SRCAP: variants seen among roughly 807,000 people sequenced by gnomAD.
SRCAP encodes the protein chromatin remodeling protein SRCAP.
SRCAP carries 46 observed loss-of-function variants against 263.1 expected under a neutral mutation model. That is an observed-to-expected ratio of 0.17 (90% CI 0.14 to 0.22). SRCAP has a LOEUF of 0.22. Ranked by LOEUF, SRCAP falls within the 10% of genes least tolerant of loss-of-function variation. The probability of loss-of-function intolerance (pLI) is 1.00; values close to 1 mark genes in which losing one functional copy is unlikely to be tolerated. For missense variants in SRCAP, 3,695 were observed against 4,181.9 expected (o/e 0.88, Z 3.21); for synonymous variants, 1,813 against 1,662.1 (o/e 1.09, Z -2.21).
Position 30,739,053 on chromosome 16 carries a change from C to T in SRCAP, c.9013C>T (p.Arg3005Trp). ...TVTISTSPPK[R>W]KRGRPPKNPP... ...CACCATTTCAACGTCCCCACCCAAACGGAAGAGGGGCCGACCTCCCAAGAA... is the reference window on the plus strand; with the variant it reads ...CACCATTTCAACGTCCCCACCCAAATGGAAGAGGGGCCGACCTCCCAAGAA... Residue 3005 changes from arginine (R) to tryptophan (W), a missense_variant, in exon 34 of 34, where the codon CGG becomes TGG. This residue lies in a region of SRCAP where 1,207 missense variants were observed against 1,142.9 expected (regional missense o/e 1.06). Transcript: ENST00000262518. 1.9e-6 allele frequency: 3 copies of T among 1,614,214 alleles called. No individual in the cohort carries two copies. The highest frequency in any genetic ancestry group is 1.7e-5 in the Admixed American group (1 of 60,026).
rs1596664196 is a variant in SRCAP, at chr16:30,733,727, T to C, written c.6423T>C (p.Asn2141=). The C allele has an allele frequency of 1.2e-6, 2 of 1,614,152 alleles. No homozygotes were observed. Among genetic ancestry groups the C allele is most frequent in the Non-Finnish European group, 1.7e-6 (2 of 1,180,026 alleles). Residue 2141 remains asparagine, a synonymous_variant, in exon 29 of 34, where the codon AAT becomes AAC. Coordinates refer to ENST00000262518, the MANE Select transcript of SRCAP (RefSeq NM_006662.3). This position sits in a 1 kb window ranked among gnomAD's most constrained non-coding sequence, Gnocchi z 5.3. ...TTGTTTTTTATGACAGCGACTGGAA[T>C]CCCACCATGGATGCTCAGGCCCAGG... The part of the protein sequence containing the change: ...DTVVFYDSDW[N]PTMDAQAQDR...
At chr16:30,728,940 A>C (rs752629449) in intron 25 of SRCAP, 26 bp from the exon 26 acceptor site, 1 of 1,597,354 alleles carries the variant, frequency 6.3e-7, no homozygotes, top group Admixed American at 1.7e-5. Flanking sequence ...GGTGCTGATT[A>C]CTTCCTCTTT....
chr16:30,725,273 A>C (rs2053053377), intron 25 of SRCAP, 191 bp downstream of exon 25: 3 of 1,218,112 alleles, frequency 2.5e-6, no homozygotes, highest in Non-Finnish European at 3.3e-6. Flanking sequence ...CGCCTGCCTC[A>C]GCCTCCTGAA....
intron 16 of SRCAP, 51 bp from the exon 17 acceptor site, chr16:30,716,015 G>T (rs751281872): frequency 6.2e-7 from 1 of 1,611,086 alleles, no homozygotes; most frequent in Non-Finnish European, 8.5e-7. Flanking sequence ...CTTAGGCTGG[G>T]GCTCGGTGCC....
Position 30,723,580 on chromosome 16 carries a change from A to G in SRCAP, c.4160-4A>G. On this transcript the variant is annotated splice_polypyrimidine_tract_variant and splice_region_variant and intron_variant, in intron 24 of 33. Transcript: ENST00000262518. ...TGGGGCTAACTCATCCTCTCTCTCC[A>G]CAGCTTCAGCCCCCGGAGCTGCCCC... 6.2e-7 allele frequency: 1 copy of G among 1,609,662 alleles called. No individual in the cohort carries two copies. Among genetic ancestry groups the G allele is most frequent in the South Asian group, 1.1e-5 (1 of 90,400 alleles).
chr16:30,738,131 G>A lies in SRCAP; in HGVS notation c.8091G>A (p.Glu2697=). Residue 2697 remains glutamate, a synonymous_variant, in exon 34 of 34, where the codon GAG becomes GAA. Coordinates refer to ENST00000262518, the MANE Select transcript of SRCAP (RefSeq NM_006662.3). Reference sequence around the variant, plus strand: ...AGCCACAGGAACTCGTTACAGCTGAGGTTGCAGCTCCATCCACCTCATCTT... The same window carrying A: ...AGCCACAGGAACTCGTTACAGCTGAAGTTGCAGCTCCATCCACCTCATCTT... The part of the protein sequence containing the change: ...PEKPQELVTA[E]VAAPSTSSSA... 6.2e-7 allele frequency: 1 copy of A among 1,614,142 alleles called. No individual in the cohort carries two copies. Among genetic ancestry groups the A allele is most frequent in the Non-Finnish European group, 8.5e-7 (1 of 1,180,038 alleles).
At position 30,710,032 on chromosome 16, in the gene SRCAP, G is replaced by T; in HGVS notation, c.1038G>T (p.Gly346=). 1.2e-6 allele frequency: 2 copies of T among 1,614,134 alleles called. No individual in the cohort carries two copies. The highest frequency in any genetic ancestry group is 1.7e-6 in the Non-Finnish European group (2 of 1,180,016). ...CCCTTCCCCCTCAGCTGTTGGAAGG[G>T]CCTTCCAGCCCCTCTCAAACCCCCT... The part of the protein sequence containing the change: ...LRSLPPQLLE[G]PSSPSQTPSS... Residue 346 remains glycine, a synonymous_variant, in exon 8 of 34, where the codon GGG becomes GGT. Transcript: ENST00000262518.
chr16:30,724,674 A>G lies in SRCAP; in HGVS notation c.5250A>G (p.Pro1750=). Residue 1750 remains proline, a synonymous_variant, in exon 25 of 34, where the codon CCA becomes CCG. Transcript: ENST00000262518. ...CAACTCAGACGCTGTCTCTGGCTCC[A>G]GCACCCCCTCTGGCTCCAGCTTCTC... ...LGPTQTLSLA[P]APPLAPASPV... The G allele has an allele frequency of 1.2e-6, 2 of 1,614,100 alleles. No individual in the cohort carries two copies. Among genetic ancestry groups the G allele is most frequent in the South Asian group, 1.1e-5 (1 of 91,074 alleles).
rs563981058 is a variant in SRCAP at position 30,704,000 on chromosome 16, T to C, written c.55-64T>C. On this transcript the variant is annotated intron_variant, in intron 3 of 33. Coordinates refer to ENST00000262518, the MANE Select transcript of SRCAP (RefSeq NM_006662.3). ...TTCTTGTGAAGATCGGATGAAATAA[T>C]GTATCTAAAACACTCAGCACAGTGC... 9.2e-6 allele frequency: 14 copies of C among 1,514,508 alleles called. No homozygotes were observed. The South Asian group carries it at 1.0e-4, about 11-fold the overall frequency. 93.8% of individuals were successfully genotyped at this position (1,514,508 alleles called of 1,614,324 possible).
rs1171150102 is a variant in SRCAP, at chr16:30,729,173, C to A, written c.5866C>A (p.His1956Asn). 1 of 1,614,108 alleles carries A rather than the reference C, an allele frequency of 6.2e-7. No homozygotes were observed. The highest frequency in any genetic ancestry group is 1.1e-5 in the South Asian group (1 of 91,080). Reference sequence around the variant, plus strand: ...CTTTTGGACTTATACCGAGGCTGCCCACCGGGCTGTACTGTTTCCCCAGCA... The same window carrying A: ...CTTTTGGACTTATACCGAGGCTGCCAACCGGGCTGTACTGTTTCCCCAGCA... ...PTFWTYTEAA[H>N]RAVLFPQQRL... Residue 1956 changes from histidine to asparagine, a missense_variant, in exon 26 of 34, where the codon CAC becomes AAC. Coordinates refer to ENST00000262518, the MANE Select transcript of SRCAP (RefSeq NM_006662.3).
At position 30,739,279 on chromosome 16, in the gene SRCAP, A is replaced by G; in HGVS notation, c.9239A>G (p.Lys3080Arg). Reference sequence around the variant, plus strand: ...GAAGCAGAAGGAATGCGAGGACGGAAGAGTGGAGGGTCCATGGTGGTGGCT... The same window carrying G: ...GAAGCAGAAGGAATGCGAGGACGGAGGAGTGGAGGGTCCATGGTGGTGGCT... ...RLEAEGMRGRKSGGSMVVAVI... is the reference protein window; with the variant it reads ...RLEAEGMRGRRSGGSMVVAVI... The change falls in exon 34 of 34, where the codon AAG (lysine) becomes AGG (arginine). Residue 3080 changes from lysine to arginine, a missense_variant. Physicochemically the swap from Lys to Arg is conservative, Grantham distance 26 (BLOSUM62 2). Transcript: ENST00000262518. 6.2e-7 allele frequency: 1 copy of G among 1,614,090 alleles called. No individual in the cohort carries two copies. The highest frequency in any genetic ancestry group is 8.5e-7 in the Non-Finnish European group (1 of 1,180,012).
At chr16:30,718,893 A>T (rs2052980971) in intron 18 of SRCAP, among the ~76,000 whole-genome samples, 1 of 147,788 alleles carries the variant, frequency 6.8e-6, no homozygotes, top group African/African-American at 2.5e-5. Flanking sequence ...TTGTGTTGTT[A>T]TTACTACTTT....
At position 30,707,377 on chromosome 16, in the gene SRCAP, TC is replaced by T; in HGVS notation, c.492+11del. 6.2e-7 allele frequency: 1 copy of T among 1,612,884 alleles called. No homozygotes were observed. The highest frequency in any genetic ancestry group is 8.5e-7 in the Non-Finnish European group (1 of 1,179,188). ...GGGGTGTGGCCCGGAAGGTAGGTCT[TC>T]CGCTGGGACTTCCTTCCTTTTCCTT... On this transcript the variant is annotated intron_variant, in intron 5 of 33. Transcript: ENST00000262518.
rs1383245491 is a variant in SRCAP at position 30,738,978 on chromosome 16, C to T, written c.8938C>T (p.Pro2980Ser). 1 of 1,613,794 alleles carries T rather than the reference C, an allele frequency of 6.2e-7. No individual in the cohort carries two copies. Among genetic ancestry groups the T allele is most frequent in the South Asian group, 1.1e-5 (1 of 91,004 alleles). The change falls in exon 34 of 34, where the codon CCA (proline) becomes TCA (serine). Residue 2980 changes from proline (P) to serine (S), a missense_variant. Around this residue, in one of 12 missense-constraint regions of SRCAP, gnomAD observed 1,207 missense variants for 1,142.9 expected, o/e 1.06. Coordinates refer to ENST00000262518, the MANE Select transcript of SRCAP (RefSeq NM_006662.3). The stretch of plus-strand genomic sequence containing the variant: ...CCCATCACCCCTAACCCCACTCCCA[C>T]CACTGCTAGTTTGTCCCACTGCTAC... ...PHPSPLTPLPPLLVCPTATVA... is the reference protein window; with the variant it reads ...PHPSPLTPLPSLLVCPTATVA...
intron 27 of SRCAP, among the ~76,000 whole-genome samples, chr16:30,731,553 T>C (rs987297652): frequency 5.9e-5 from 9 of 152,214 alleles, no homozygotes; most frequent in Non-Finnish European, 4.4e-5. Context: ...TCAGAGTAGA[T>C]GAACTGAAAG....
Position 30,716,115 on chromosome 16 carries a change from A to G in SRCAP, c.2543A>G (p.Gln848Arg). ...LRRVKVDVEK[Q>R]MPKKYEHVIR... is the part of the protein sequence containing the mutation. ...CGAGTTAAGGTGGATGTTGAGAAGC[A>G]GATGCCCAAAAAGTACGAGCATGTT... The change falls in exon 17 of 34, where the codon CAG (glutamine) becomes CGG (arginine). Residue 848 changes from glutamine to arginine, a missense_variant. Around this residue, in one of 12 missense-constraint regions of SRCAP, gnomAD observed 147 missense variants for 212.7 expected, o/e 0.69. Transcript: ENST00000262518. 6.2e-7 allele frequency: 1 copy of G among 1,614,236 alleles called. No homozygotes were observed. Among genetic ancestry groups the G allele is most frequent in the Non-Finnish European group, 8.5e-7 (1 of 1,180,046 alleles).
In SRCAP at chr16:30,713,321, G is replaced by T. The variant is rs138153762; in HGVS notation, c.2244G>T (p.Ala748=). 6.2e-7 allele frequency: 1 copy of T among 1,614,012 alleles called. No homozygotes were observed. The highest frequency in any genetic ancestry group is 1.1e-5 in the South Asian group (1 of 91,082). Residue 748 remains alanine, a synonymous_variant, in exon 15 of 34, where the codon GCG becomes GCT. Transcript: ENST00000262518. ...KNWRYLILDE[A]QNIKNFKSQR... is the part of the protein sequence containing the mutation. ...GGCGCTATCTCATTCTGGATGAGGC[G>T]CAGAACATCAAGAACTTCAAGTCAC...
chr16:30,721,119 G>A, intron 20 of SRCAP, 70 bp from the exon 21 acceptor site: 1 of 1,544,846 alleles, frequency 6.5e-7, no homozygotes, highest in Non-Finnish European at 8.7e-7. Context: ...AAGGGAGTAT[G>A]GAGGCTTCTG....
rs2053218801 is a variant in SRCAP, at chr16:30,740,981, G to C, written c.*1248G>C. On this transcript the variant is annotated 3_prime_UTR_variant, in exon 34 of 34. Coordinates refer to ENST00000262518, the MANE Select transcript of SRCAP (RefSeq NM_006662.3). Reference sequence around the variant, plus strand: ...AGGGTAGAAAGGTGGTTTGATGCCAGGGCCTAGAGGACCTGAGAAGTAGGG... The same window carrying C: ...AGGGTAGAAAGGTGGTTTGATGCCACGGCCTAGAGGACCTGAGAAGTAGGG... The C allele has an allele frequency of 6.6e-6, 1 of 152,206 alleles. No individual in the cohort carries two copies. Among genetic ancestry groups the C allele is most frequent in the Admixed American group, 6.5e-5 (1 of 15,276 alleles). The allele number at this position is 152,206 out of a possible 1,614,324, so 9.4% of individuals were successfully genotyped here.
Sources: gnomAD v4.1 joint callset for allele counts (sites outside exome capture counted in the v4.1 genomes callset) on GRCh38, gnomAD v4.1.1 for gene constraint, gnomAD v4.1.1 regional missense constraint, Gnocchi (gnomAD v3.1) non-coding constraint, MANE v1.5 for transcripts, NCBI Gene and HGNC (gene_info 2026-07-23, HGNC 2026-07-21) for gene names.